MECOM: variants seen among roughly 807,000 people sequenced by gnomAD.
The protein encoded by MECOM is histone-lysine N-methyltransferase MECOM.
MECOM carries 13 observed loss-of-function variants against 116.3 expected under a neutral mutation model. The observed-to-expected ratio is 0.11, with a 90% CI of 0.07 to 0.18. The LOEUF is 0.18. Among genes scored for constraint, MECOM ranks in the 10% least tolerant of loss-of-function variants. MECOM has a pLI of 1.00. For missense variants in MECOM, 1,299 were observed against 1,509.0 expected (o/e 0.86, Z 2.31); for synonymous variants, 528 against 535.2 (o/e 0.99, Z 0.19).
At chr3:169,476,943 A>G (rs1427721034) in intron 1 of MECOM, 5 of 150,602 alleles carry the variant, frequency 3.3e-5, no homozygotes, top group Admixed American at 2.6e-4. Flanking sequence ...AAGAAAAGAG[A>G]GATGAGACAA....
At chr3:169,357,847 GA>G (rs1237188928) in intron 2 of MECOM, among the ~76,000 whole-genome samples, 1 of 151,776 alleles carries the variant, frequency 6.6e-6, no homozygotes, top group Non-Finnish European at 1.5e-5. Context: ...AAGCAAAAAG[GA>G]AGAGGTGAGG....
chr3:169,229,973 C>T (rs1355562858), intron 2 of MECOM, among the ~76,000 whole-genome samples: 1 of 152,084 alleles, frequency 6.6e-6, no homozygotes, highest in Non-Finnish European at 1.5e-5. Flanking sequence ...TGCCAAACAG[C>T]AGACTTAATT....
intron 1 of MECOM, among the ~76,000 whole-genome samples, chr3:169,619,785 A>C (rs1398591171): frequency 6.6e-6 from 1 of 152,180 alleles, no homozygotes; most frequent in Non-Finnish European, 1.5e-5. Flanking sequence ...GGTTTTTAAA[A>C]TATTATTTAT....
chr3:169,106,593 G>A (rs531405679), intron 10 of MECOM, among the ~76,000 whole-genome samples: 14 of 152,050 alleles, frequency 9.2e-5, no homozygotes, highest in East Asian at 1.9e-4. Flanking sequence ...GCATTGCAAC[G>A]GCAATCACTA....
chr3:169,277,334 T>C (rs1759728512), intron 2 of MECOM, among the ~76,000 whole-genome samples: 1 of 152,186 alleles, frequency 6.6e-6, no homozygotes, highest in Non-Finnish European at 1.5e-5. Flanking sequence ...AACACTTTCT[T>C]ACTTAAGAAA....
At chr3:169,433,072 A>C (rs1348621971) in intron 1 of MECOM, among the ~76,000 whole-genome samples, 2 of 152,248 alleles carry the variant, frequency 1.3e-5, no homozygotes, top group Non-Finnish European at 2.9e-5. Context: ...AGGGTAAGAT[A>C]TAAAAGTTTA....
intron 2 of MECOM, among the ~76,000 whole-genome samples, chr3:169,247,339 C>G (rs1354221729): frequency 6.6e-6 from 1 of 150,954 alleles, no homozygotes; most frequent in Non-Finnish European, 1.5e-5. Flanking sequence ...GAGTTTCACT[C>G]TTGTTGCCCA....
intron 2 of MECOM, among the ~76,000 whole-genome samples, chr3:169,265,641 G>T (rs1206074078): frequency 6.6e-6 from 1 of 152,166 alleles, no homozygotes; most frequent in African/African-American, 2.4e-5. Context: ...GGCCAGCCTT[G>T]AGCACAATGG....
At chr3:169,110,717 C>T (rs1564356) in intron 9 of MECOM, among the ~76,000 whole-genome samples, 144,098 of 152,172 alleles carry the variant, frequency 0.95, 68,326 homozygotes, top group East Asian at 0.99. Context: ...AAATCCATTC[C>T]GATTGGTAGG....
chr3:169,377,116 G>A (rs1470917574), intron 2 of MECOM, among the ~76,000 whole-genome samples: 2 of 152,124 alleles, frequency 1.3e-5, no homozygotes, highest in East Asian at 3.8e-4. Context: ...GGGAAAACTG[G>A]CAAGCCATAT....
intron 2 of MECOM, among the ~76,000 whole-genome samples, chr3:169,211,374 C>T (rs192733423): frequency 1.7e-4 from 26 of 152,146 alleles, no homozygotes; most frequent in Admixed American, 1.2e-3. Context: ...ACATATTCAC[C>T]ATCTCAATTA....
chr3:169,339,289 T>C (rs1383132139), intron 2 of MECOM, among the ~76,000 whole-genome samples: 7 of 152,206 alleles, frequency 4.6e-5, no homozygotes, highest in Non-Finnish European at 7.3e-5. Context: ...TGGGAACTTT[T>C]TAGAAGTGCA....
intron 2 of MECOM, among the ~76,000 whole-genome samples, chr3:169,198,412 A>G (rs1169072901): frequency 1.3e-5 from 2 of 151,990 alleles, no homozygotes; most frequent in African/African-American, 4.8e-5. Context: ...TTTCTATTTT[A>G]ATTTCTGATT....
chr3:169,191,720 AAAAGAAAGAAAGAAAGAAAGAGAAAG>A (rs1559973294), intron 2 of MECOM, among the ~76,000 whole-genome samples: 1 of 48,076 alleles, frequency 2.1e-5, no homozygotes, highest in African/African-American at 6.2e-5. Flanking sequence ...AAGAAAGAAA[AAAAGAAAGAAAGAAAGAAAGAGAAAG>A]AAAGAAAGAA....
intron 1 of MECOM, among the ~76,000 whole-genome samples, chr3:169,473,404 C>T (rs971970968): frequency 2.6e-5 from 4 of 152,136 alleles, no homozygotes; most frequent in African/African-American, 7.2e-5. Context: ...TTCAGCAACA[C>T]GATTTTGAGA....
chr3:169,198,141 A>G (rs765299006), intron 2 of MECOM, among the ~76,000 whole-genome samples: 2 of 152,054 alleles, frequency 1.3e-5, no homozygotes, highest in Non-Finnish European at 2.9e-5. Context: ...TATGTAAACT[A>G]CTTATGATTC....
chr3:169,145,179 CACACACACACAG>C (rs764375854), intron 2 of MECOM: 23 of 410,324 alleles, frequency 5.6e-5, no homozygotes, highest in African/African-American at 3.0e-4. Context: ...CACACACACA[CACACACACACAG>C]AGAGAAATCA....
At chr3:169,326,681 A>G (rs1021037465) in intron 2 of MECOM, among the ~76,000 whole-genome samples, 9 of 152,202 alleles carry the variant, frequency 5.9e-5, no homozygotes, top group African/African-American at 2.2e-4. Context: ...CAGCAAGTTA[A>G]AAATCATGTT....
chr3:169,636,764 G>A (rs760484728), intron 1 of MECOM, among the ~76,000 whole-genome samples: 9 of 152,122 alleles, frequency 5.9e-5, no homozygotes, highest in South Asian at 4.1e-4. Flanking sequence ...CTACATTCCC[G>A]AATTGGGACA....
Sources: gnomAD v4.1 joint callset for allele counts (sites outside exome capture counted in the v4.1 genomes callset) on GRCh38, gnomAD v4.1.1 for gene constraint, MANE v1.5 for transcripts, NCBI Gene and HGNC (gene_info 2026-07-23, HGNC 2026-07-21) for gene names.